EYS: variants seen among roughly 807,000 people sequenced by gnomAD.
The protein encoded by EYS is protein eyes shut homolog.
Under a neutral mutation model 282.1 loss-of-function variants are expected in EYS, and 250 were observed. The observed-to-expected ratio is 0.89, with a 90% CI of 0.80 to 0.98. The LOEUF is 0.98. Ranked by LOEUF, EYS falls within the 50% of genes least tolerant of loss-of-function variation. The pLI is 0.00. For missense variants in EYS, 4,016 were observed against 3,709.0 expected, an observed-to-expected ratio of 1.08 and a Z score of -2.15; for synonymous variants, 1,355 against 1,282.9, an observed-to-expected ratio of 1.06 and a Z score of -1.20.
chr6:65,287,644 G>A (rs903384799), intron 12 of EYS, among the ~76,000 whole-genome samples: 12 of 151,100 alleles, frequency 7.9e-5, no homozygotes, highest in East Asian at 3.9e-4. Context: ...GAAAAAAAAC[G>A]AAACAAAACG....
intron 26 of EYS, among the ~76,000 whole-genome samples, chr6:64,450,887 C>T (rs370734702): frequency 9.9e-5 from 15 of 152,102 alleles, no homozygotes; most frequent in East Asian, 7.7e-4. Context: ...TAGCACTAAA[C>T]GCCCACAAGA....
chr6:64,980,214 A>G (rs1770608893), intron 14 of EYS, among the ~76,000 whole-genome samples: 1 of 151,606 alleles, frequency 6.6e-6, no homozygotes, highest in Admixed American at 6.6e-5. Flanking sequence ...TCAACATGCC[A>G]CAATAATGTA....
intron 33 of EYS, among the ~76,000 whole-genome samples, chr6:64,033,605 CATTA>C (rs1170898577): frequency 6.6e-6 from 1 of 152,004 alleles, no homozygotes; most frequent in East Asian, 1.9e-4. Flanking sequence ...ATAACACCTT[CATTA>C]ATTGTCAAAA....
At chr6:65,325,372 A>C (rs1327868467) in intron 11 of EYS, among the ~76,000 whole-genome samples, 1 of 152,138 alleles carries the variant, frequency 6.6e-6, no homozygotes, top group East Asian at 1.9e-4. Flanking sequence ...TGATACCTAC[A>C]CTGTCTCATT....
chr6:65,693,756 T>C (rs1440616853), intron 1 of EYS, among the ~76,000 whole-genome samples: 6 of 149,974 alleles, frequency 4.0e-5, no homozygotes, highest in African/African-American at 1.5e-4. Context: ...TAAAAAGACA[T>C]GAAGTAAACG....
chr6:65,422,686 T>C (rs992127798), intron 5 of EYS, among the ~76,000 whole-genome samples: 2 of 151,762 alleles, frequency 1.3e-5, no homozygotes, highest in African/African-American at 4.8e-5. Flanking sequence ...CAACAGGAAA[T>C]ATCCTACACA....
chr6:65,377,965 T>C (rs778640623), intron 8 of EYS, among the ~76,000 whole-genome samples: 2 of 152,184 alleles, frequency 1.3e-5, no homozygotes, highest in Non-Finnish European at 2.9e-5. Flanking sequence ...AGCTGAATTC[T>C]ACCAGAGGTA....
intron 30 of EYS, among the ~76,000 whole-genome samples, chr6:64,290,989 G>C (rs1768685392): frequency 6.7e-6 from 1 of 150,054 alleles, no homozygotes; most frequent in Admixed American, 6.7e-5. Flanking sequence ...GGATAGAGGA[G>C]ACTGAGCAAA....
chr6:64,806,422 T>C (rs1764427077), intron 22 of EYS, among the ~76,000 whole-genome samples: 1 of 151,880 alleles, frequency 6.6e-6, no homozygotes, highest in African/African-American at 2.4e-5. Flanking sequence ...CAGTATGGAT[T>C]ACTTATCTCA....
intron 12 of EYS, among the ~76,000 whole-genome samples, chr6:65,177,413 C>T (rs1434963011): frequency 1.3e-5 from 2 of 151,694 alleles, no homozygotes; most frequent in African/African-American, 4.8e-5. Context: ...AATAAATATT[C>T]TATTTTATTA....
chr6:65,305,232 G>C (rs1398637189), intron 11 of EYS, among the ~76,000 whole-genome samples: 6 of 152,096 alleles, frequency 3.9e-5, no homozygotes, highest in Non-Finnish European at 7.3e-5. Flanking sequence ...AGACTGAGAG[G>C]GAGATCAAGT....
chr6:65,041,846 T>G (rs1561936359), intron 13 of EYS, among the ~76,000 whole-genome samples: 1 of 151,500 alleles, frequency 6.6e-6, no homozygotes. Flanking sequence ...CAGTACAAAT[T>G]TCCTCACTGA....
chr6:63,790,110 T>TA (rs1770471740), intron 37 of EYS, among the ~76,000 whole-genome samples: 1 of 152,130 alleles, frequency 6.6e-6, no homozygotes, highest in Admixed American at 6.5e-5. Context: ...AGGAAGAACG[T>TA]AAGAACCCCC....
chr6:63,868,162 C>T (rs549908395), intron 35 of EYS, among the ~76,000 whole-genome samples: 20 of 152,220 alleles, frequency 1.3e-4, no homozygotes, highest in Admixed American at 3.9e-4. Context: ...AAAATTCACT[C>T]GGTCATTTTA....
chr6:64,495,928 A>AT (rs1412146332), intron 26 of EYS, among the ~76,000 whole-genome samples: 1 of 151,846 alleles, frequency 6.6e-6, no homozygotes, highest in Non-Finnish European at 1.5e-5. Flanking sequence ...TTTTGAAAAC[A>AT]TATTACCCTG....
At chr6:64,022,539 G>T (rs1036151331) in intron 33 of EYS, among the ~76,000 whole-genome samples, 5 of 152,150 alleles carry the variant, frequency 3.3e-5, no homozygotes. Flanking sequence ...AAACTAATCT[G>T]TGAAAGCTGA....
chr6:65,466,334 G>C (rs974397170), intron 5 of EYS, among the ~76,000 whole-genome samples: 4 of 149,090 alleles, frequency 2.7e-5, no homozygotes, highest in Non-Finnish European at 6.0e-5. Context: ...CTTAGACCTA[G>C]AATATAAAAT....
At chr6:65,587,258 A>G (rs962303958) in intron 2 of EYS, among the ~76,000 whole-genome samples, 4 of 152,044 alleles carry the variant, frequency 2.6e-5, no homozygotes, top group African/African-American at 9.7e-5. Context: ...GAGAACTAAC[A>G]AAGCTTTTAA....
At chr6:64,699,317 C>T (rs1419848620) in intron 22 of EYS, among the ~76,000 whole-genome samples, 3 of 151,946 alleles carry the variant, frequency 2.0e-5, no homozygotes, top group East Asian at 3.9e-4. Context: ...TCATGGGAGT[C>T]TACTTGAGGG....
Sources: allele counts gnomAD v4.1 joint callset (sites outside exome capture counted in the v4.1 genomes callset), GRCh38; gene constraint gnomAD v4.1.1; transcripts MANE v1.5; gene names NCBI Gene and HGNC (gene_info 2026-07-23, HGNC 2026-07-21).